Variants in TMEM154 observed in about 807,000 individuals in gnomAD.
TMEM154 encodes the protein transmembrane protein 154.
A neutral mutation model predicts 24.5 loss-of-function variants in TMEM154; 27 were observed. The observed-to-expected ratio is 1.10, with a 90% confidence interval of 0.81 to 1.52. TMEM154 has a LOEUF of 1.52. TMEM154 is among the 40% of genes most tolerant of loss of function. The probability of loss-of-function intolerance (pLI) is 0.00; values close to 1 mark genes in which losing one functional copy is unlikely to be tolerated. For missense variants in TMEM154, 228 were observed against 213.4 expected (o/e 1.07, Z -0.43); for synonymous variants, 67 against 76.8 (o/e 0.87, Z 0.67).
intron 3 of TMEM154, 71 bp downstream of exon 3, chr4:152,652,467 A>T: frequency 6.3e-7 from 1 of 1,591,356 alleles, no homozygotes; most frequent in East Asian, 2.2e-5. Flanking sequence ...CTTGTTGCTT[A>T]ATTTTAAAAC....
rs371144981 is a variant in TMEM154 at position 152,664,381 on chromosome 4, G to C, written c.65-11454C>G. On this transcript the variant is annotated intron_variant, in intron 1 of 6. Coordinates refer to ENST00000304385, the MANE Select transcript of TMEM154 (RefSeq NM_152680.3). The stretch of plus-strand genomic sequence containing the variant: ...ACACACTGGGGCCTGTCGTGGCGGG[G>C]GGGTACAAGGGGAGGGAGAGCATTA... 1.6e-3 allele frequency among the ~76,000 whole-genome samples: 243 copies of C among 151,950 alleles called. 1 individual carries two copies. Among genetic ancestry groups the C allele is most frequent in the Middle Eastern group, 6.8e-3 (2 of 294 alleles).
intron 6 of TMEM154, among the ~76,000 whole-genome samples, chr4:152,632,136 A>G (rs1191837263): frequency 6.6e-6 from 1 of 152,034 alleles, no homozygotes; most frequent in Non-Finnish European, 1.5e-5. Context: ...ATGATTTCTG[A>G]CTTGTGTGTC....
Position 152,652,712 on chromosome 4 carries a change from C to G in TMEM154, c.280G>C (p.Val94Leu), listed in dbSNP as rs145569394. 2.5e-6 allele frequency: 4 copies of G among 1,613,760 alleles called. No homozygotes were observed. In the Admixed American group the frequency reaches 6.7e-5, roughly 27 times the overall value. ...LILLVLLLLS[V>L]VFLATYYKRK... The stretch of plus-strand genomic sequence containing the variant: ...TTATAGTATGTTGCAAGGAATACCA[C>G]GGATAAAAGTAAGAGGACCAATAAA... The change falls in exon 2 of 7, where the codon GTG becomes CTG. Residue 94 changes from valine (V) to leucine (L), a missense_variant. Physicochemically the swap from Val to Leu is conservative, Grantham distance 32. Transcript: ENST00000304385.
At chr4:152,645,360 T>C (rs1300274403) in intron 3 of TMEM154, among the ~76,000 whole-genome samples, 5 of 152,190 alleles carry the variant, frequency 3.3e-5, no homozygotes, top group African/African-American at 7.2e-5. Flanking sequence ...AACAAGCCTG[T>C]TTTTAGTTCC....
In TMEM154 at chr4:152,663,537, G is replaced by A. The variant is rs569384399; in HGVS notation, c.65-10610C>T. Among the ~76,000 whole-genome samples the A allele has an allele frequency of 1.1e-3, 167 of 152,354 alleles. 1 individual carries two copies. The highest frequency in any genetic ancestry group is 4.0e-3 in the African/African-American group (166 of 41,586). Reference sequence around the variant, plus strand: ...AAACTCCCAGATCACTGGGTGTGAGGGCCGAGGCTGGTAGCCTCATAAGCT... The same window carrying A: ...AAACTCCCAGATCACTGGGTGTGAGAGCCGAGGCTGGTAGCCTCATAAGCT... On this transcript the variant is annotated intron_variant, in intron 1 of 6. Transcript: ENST00000304385.
At chr4:152,632,973 A>G (rs1752077469) in intron 6 of TMEM154, among the ~76,000 whole-genome samples, 2 of 152,264 alleles carry the variant, frequency 1.3e-5, no homozygotes, top group South Asian at 2.1e-4. Context: ...ACACAGACAC[A>G]TGAATGAATG....
rs1751911741 is a variant in TMEM154, at chr4:152,626,003, G to A, written c.*2543C>T. ...CATCTTTATCACATTTGTTTGATGTGGGTTATCCAGGAGCCACCTACATCA... is the reference window on the plus strand; with the variant it reads ...CATCTTTATCACATTTGTTTGATGTAGGTTATCCAGGAGCCACCTACATCA... On this transcript the variant is annotated 3_prime_UTR_variant, in exon 7 of 7. Coordinates refer to ENST00000304385, the MANE Select transcript of TMEM154 (RefSeq NM_152680.3). The A allele has an allele frequency of 6.6e-6, 1 of 152,264 alleles. No homozygotes were observed. The highest frequency in any genetic ancestry group is 1.5e-5 in the Non-Finnish European group (1 of 68,018). 9.4% of individuals were successfully genotyped at this position (152,264 alleles called of 1,614,324 possible).
chr4:152,619,338 C>T lies in TMEM154; in HGVS notation c.*9208G>A, dbSNP rs916783331. On this transcript the variant is annotated 3_prime_UTR_variant, in exon 7 of 7. Coordinates refer to ENST00000304385, the MANE Select transcript of TMEM154 (RefSeq NM_152680.3). ...CAAATATCCACAATGTTCCTTGACACGAAACTACCTAATATATTTCCTCGA... is the reference window on the plus strand; with the variant it reads ...CAAATATCCACAATGTTCCTTGACATGAAACTACCTAATATATTTCCTCGA... 6 of 152,174 alleles carry T rather than the reference C, an allele frequency of 3.9e-5. No individual in the cohort carries two copies. The highest frequency in any genetic ancestry group is 5.9e-5 in the Non-Finnish European group (4 of 68,040). 9.4% of individuals were successfully genotyped at this position (152,174 alleles called of 1,614,324 possible).
intron 6 of TMEM154, among the ~76,000 whole-genome samples, chr4:152,631,435 A>C (rs557493686): frequency 6.6e-6 from 1 of 152,282 alleles, no homozygotes; most frequent in Middle Eastern, 3.4e-3. Flanking sequence ...AAAGTGGAAC[A>C]ATTATTATTG....
At chr4:152,678,538 A>AG (rs367841613) in intron 1 of TMEM154, among the ~76,000 whole-genome samples, 1,862 of 7,238 alleles carry the variant, frequency 0.26, 50 homozygotes, top group African/African-American at 0.4. Context: ...CGGTGGGGGG[A>AG]GGGGGGCAGT....
chr4:152,677,384 A>G (rs1194652168), intron 1 of TMEM154, among the ~76,000 whole-genome samples: 1 of 152,224 alleles, frequency 6.6e-6, no homozygotes, highest in East Asian at 1.9e-4. Flanking sequence ...ATACTCACAA[A>G]CAGTGTCAGG....
At chr4:152,640,849 CA>C in intron 6 of TMEM154, 78 bp downstream of exon 6, 1 of 1,293,324 alleles carries the variant, frequency 7.7e-7, no homozygotes, top group Non-Finnish European at 1.1e-6. Context: ...AGGAGGTAAG[CA>C]AAAAGTGTTC....
Position 152,644,441 on chromosome 4 carries a change from A to G in TMEM154, c.366T>C (p.Tyr122=), listed in dbSNP as rs756456856. ...SQGSQSALQT[Y]ELGSENVKVP... Reference sequence around the variant, plus strand: ...CTTTCACGTTTTCACTTCCCAGTTCATCTAAAAGGAAATGAACATAAAGGT... The same window carrying G: ...CTTTCACGTTTTCACTTCCCAGTTCGTCTAAAAGGAAATGAACATAAAGGT... Residue 122 remains tyrosine, a splice_region_variant and synonymous_variant, in exon 4 of 7, where the codon TAT becomes TAC. Transcript: ENST00000304385. The G allele has an allele frequency of 4.3e-6, 7 of 1,614,092 alleles. No homozygotes were observed. The highest frequency in any genetic ancestry group is 1.3e-5 in the African/African-American group (1 of 74,936).
chr4:152,669,482 G>C (rs929425276), intron 1 of TMEM154: 4 of 114,686 alleles, frequency 3.5e-5, no homozygotes, highest in African/African-American at 2.0e-4. Flanking sequence ...ATACTAAATT[G>C]TAAAGGACAT....
intron 6 of TMEM154, among the ~76,000 whole-genome samples, chr4:152,640,055 G>T (rs143484791): frequency 2.6e-5 from 4 of 152,198 alleles, no homozygotes; most frequent in Admixed American, 1.3e-4. Flanking sequence ...ATTCCCTCGC[G>T]ATGCTCAGGC....
intron 1 of TMEM154, among the ~76,000 whole-genome samples, chr4:152,670,621 C>T (rs546620630): frequency 1.1e-4 from 16 of 151,982 alleles, no homozygotes; most frequent in African/African-American, 3.6e-4. Flanking sequence ...AATAAAATAA[C>T]TAAATAAATA....
At chr4:152,641,903 CTT>C (rs780465309) in intron 5 of TMEM154, among the ~76,000 whole-genome samples, 54 of 41,444 alleles carry the variant, frequency 1.3e-3, no homozygotes, top group African/African-American at 5.3e-3. Context: ...AGCAATAATT[CTT>C]TTTTTTTTTT....
At chr4:152,646,295 T>C (rs1728227756) in intron 3 of TMEM154, among the ~76,000 whole-genome samples, 1 of 152,120 alleles carries the variant, frequency 6.6e-6, no homozygotes. Context: ...TTAAAAGCCA[T>C]CACAAAAGTG....
chr4:152,673,917 T>C (rs1178550787), intron 1 of TMEM154, among the ~76,000 whole-genome samples: 1 of 151,990 alleles, frequency 6.6e-6, no homozygotes, highest in Non-Finnish European at 1.5e-5. Context: ...AGTCAATTCT[T>C]GGGATTGTGG....
Sources: allele counts gnomAD v4.1 joint callset (sites outside exome capture counted in the v4.1 genomes callset), GRCh38; gene constraint gnomAD v4.1.1; transcripts MANE v1.5; gene names NCBI Gene and HGNC (gene_info 2026-07-23, HGNC 2026-07-21).